The following TMCC1 variants were observed in gnomAD, a reference collection of about 807,000 sequenced individuals.
TMCC1 encodes the protein transmembrane and coiled-coil domain family 1, also known as transmembrane and coiled-coil domains protein 1.
In TMCC1, 15 loss-of-function variants were observed where a neutral mutation model predicts 52.4. That is an observed-to-expected ratio of 0.29 (90% CI 0.19 to 0.44). The LOEUF is 0.44. Among genes scored for constraint, TMCC1 ranks in the 20% least tolerant of loss-of-function variants. TMCC1 has a pLI of 1.00. For missense variants in TMCC1, 503 were observed against 806.0 expected, an observed-to-expected ratio of 0.62 and a Z score of 4.55; for synonymous variants, 279 against 301.9, an observed-to-expected ratio of 0.92 and a Z score of 0.79.
At chr3:129,859,975 C>T (rs777545010) in intron 2 of TMCC1, among the ~76,000 whole-genome samples, 1 of 152,082 alleles carries the variant, frequency 6.6e-6, no homozygotes, top group Non-Finnish European at 1.5e-5. Context: ...ATCTATCAAT[C>T]GCCAATGATA....
intron 4 of TMCC1, among the ~76,000 whole-genome samples, chr3:129,780,882 G>T (rs2055465103): frequency 6.6e-6 from 1 of 151,914 alleles, no homozygotes; most frequent in Non-Finnish European, 1.5e-5. Context: ...GCATTGTCCA[G>T]TATGATAGCC....
In TMCC1 at chr3:129,670,521, G is replaced by A. The variant is rs753739013; in HGVS notation, c.1320C>T (p.Ile440=). Reference sequence around the variant, plus strand: ...TTTTGGAGCTGGATGCTCCTACAGCGATGCCCCCTGTGGTGCTGTTGGCTC... The same window carrying A: ...TTTTGGAGCTGGATGCTCCTACAGCAATGCCCCCTGTGGTGCTGTTGGCTC... ...SVGANSTTGG[I]AVGASSSKTN... The change falls in exon 5 of 7, where the codon ATC becomes ATT. Residue 440 remains isoleucine (I), a synonymous_variant. Transcript: ENST00000393238. The A allele has an allele frequency of 5.6e-6, 9 of 1,614,072 alleles. No individual in the cohort carries two copies. The highest frequency in any genetic ancestry group is 1.3e-5 in the African/African-American group (1 of 74,918).
At chr3:129,882,303 A>C (rs2061494880) in intron 1 of TMCC1, among the ~76,000 whole-genome samples, 1 of 152,072 alleles carries the variant, frequency 6.6e-6, no homozygotes, top group Non-Finnish European at 1.5e-5. Flanking sequence ...TCAAAACTAC[A>C]ATCAGATACC....
chr3:129,668,051 G>A (rs1402180143), intron 5 of TMCC1, among the ~76,000 whole-genome samples: 4 of 152,144 alleles, frequency 2.6e-5, no homozygotes, highest in Non-Finnish European at 5.9e-5. Context: ...AGCCAAGCGT[G>A]GTGGTGCACA....
intron 5 of TMCC1, among the ~76,000 whole-genome samples, chr3:129,667,068 A>AT (rs542618886): frequency 1.2e-3 from 184 of 150,510 alleles, no homozygotes; most frequent in African/African-American, 3.8e-3. Context: ...TGCCTGGCTA[A>AT]TTTTTTTTGT....
At chr3:129,821,137 A>T (rs1038560915) in intron 4 of TMCC1, among the ~76,000 whole-genome samples, 5 of 152,134 alleles carry the variant, frequency 3.3e-5, no homozygotes, top group Admixed American at 1.3e-4. Context: ...TCTAAGATCT[A>T]TATTCTCTGC....
intron 2 of TMCC1, among the ~76,000 whole-genome samples, chr3:129,877,882 C>T (rs994944641): frequency 5.3e-5 from 8 of 152,142 alleles, no homozygotes; most frequent in Non-Finnish European, 7.4e-5. Context: ...ATGATCCACC[C>T]GCCTCGGCCT....
chr3:129,778,674 TG>T (rs11372839), intron 4 of TMCC1, among the ~76,000 whole-genome samples: 174 of 138,810 alleles, frequency 1.3e-3, no homozygotes, highest in African/African-American at 3.9e-3. Context: ...TAGATCATGG[TG>T]GGGGGGGGGC....
chr3:129,887,066 G>A (rs2061740683), intron 1 of TMCC1, among the ~76,000 whole-genome samples: 1 of 152,150 alleles, frequency 6.6e-6, no homozygotes, highest in Non-Finnish European at 1.5e-5. Context: ...CAAAGAGAGG[G>A]ACTGCTTAAT....
At position 129,866,079 on chromosome 3, in the gene TMCC1, T is replaced by C. The variant is rs2060612797; in HGVS notation, c.-184+14230A>G. ...ACAGAATAAGATATGCAGATCAAAA[T>C]GGAATACACCCACTATTCTGGATGC... On this transcript the variant is annotated intron_variant, in intron 2 of 6. Coordinates refer to ENST00000393238, the MANE Select transcript of TMCC1 (RefSeq NM_001017395.5). Among the ~76,000 whole-genome samples, 6 of 151,884 alleles carry C rather than the reference T, an allele frequency of 4.0e-5. No individual in the cohort carries two copies. The South Asian group carries it at 1.2e-3, about 31-fold the overall frequency.
intron 4 of TMCC1, among the ~76,000 whole-genome samples, chr3:129,759,103 G>C (rs1246368808): frequency 6.6e-6 from 1 of 152,124 alleles, no homozygotes; most frequent in Non-Finnish European, 1.5e-5. Flanking sequence ...CAGCTATTGT[G>C]ATTAGTGCTA....
chr3:129,759,614 C>T (rs2053328141), intron 4 of TMCC1, among the ~76,000 whole-genome samples: 1 of 150,484 alleles, frequency 6.6e-6, no homozygotes, highest in African/African-American at 2.4e-5. Flanking sequence ...GACATGTTGC[C>T]CAGGCTGGTC....
At chr3:129,778,566 A>G (rs2055230008) in intron 4 of TMCC1, among the ~76,000 whole-genome samples, 1 of 151,590 alleles carries the variant, frequency 6.6e-6, no homozygotes, top group Non-Finnish European at 1.5e-5. Flanking sequence ...AAGAATGGTG[A>G]TATGGTCTGG....
intron 4 of TMCC1, among the ~76,000 whole-genome samples, chr3:129,672,770 A>C (rs1209703464): frequency 6.6e-6 from 1 of 152,336 alleles, no homozygotes; most frequent in Non-Finnish European, 1.5e-5. Context: ...GCTAGAAAGA[A>C]CTATATACAA....
chr3:129,765,776 A>T (rs1024568440), intron 4 of TMCC1, among the ~76,000 whole-genome samples: 4 of 152,190 alleles, frequency 2.6e-5, no homozygotes, highest in African/African-American at 9.6e-5. Context: ...GACTTTAGTC[A>T]GTATCCAACT....
At chr3:129,867,725 C>T (rs2060718813) in intron 2 of TMCC1, among the ~76,000 whole-genome samples, 1 of 152,196 alleles carries the variant, frequency 6.6e-6, no homozygotes, top group Admixed American at 6.5e-5. Flanking sequence ...CTGGTGACTG[C>T]ATTGGCTTAT....
intron 2 of TMCC1, 78 bp from the exon 3 acceptor site, chr3:129,832,904 G>A (rs991416266): frequency 2.0e-5 from 3 of 152,176 alleles, no homozygotes; most frequent in African/African-American, 7.2e-5. Context: ...TGCAGAAAAC[G>A]ACTGAAAGTA....
intron 4 of TMCC1, among the ~76,000 whole-genome samples, chr3:129,808,213 T>C (rs1033014685): frequency 2.0e-5 from 3 of 152,062 alleles, no homozygotes; most frequent in African/African-American, 7.2e-5. Context: ...CTGGGCATGA[T>C]GGCTCACGCC....
At chr3:129,727,894 T>C (rs1404328198) in intron 4 of TMCC1, among the ~76,000 whole-genome samples, 3 of 152,208 alleles carry the variant, frequency 2.0e-5, no homozygotes, top group African/African-American at 7.2e-5. Flanking sequence ...TGGGGATTAT[T>C]CGAACTCAGC....
Sources: gnomAD v4.1 joint callset for allele counts (sites outside exome capture counted in the v4.1 genomes callset) on GRCh38, gnomAD v4.1.1 for gene constraint, MANE v1.5 for transcripts, NCBI Gene and HGNC (gene_info 2026-07-23, HGNC 2026-07-21) for gene names.